HPS3: variants seen among roughly 807,000 people sequenced by gnomAD.
The protein encoded by HPS3 is BLOC-2 complex member HPS3.
HPS3 carries 79 observed loss-of-function variants against 110.9 expected under a neutral mutation model. The observed-to-expected ratio is 0.71, with a 90% CI of 0.59 to 0.86. The LOEUF (loss-of-function observed/expected upper bound fraction) is 0.86. Ranked by LOEUF, HPS3 falls within the 40% of genes least tolerant of loss-of-function variation. HPS3 has a pLI of 0.00. For missense variants in HPS3, 1,197 were observed against 1,206.2 expected, an observed-to-expected ratio of 0.99 and a Z score of 0.11; for synonymous variants, 428 against 451.0, an observed-to-expected ratio of 0.95 and a Z score of 0.65.
chr3:149,167,265 T>C (rs1326947422), intron 15 of HPS3, 25 bp downstream of exon 15: 22 of 1,569,886 alleles, frequency 1.4e-5, no homozygotes, highest in Non-Finnish European at 1.8e-5. Flanking sequence ...ATTATGTTTT[T>C]AGGCTTGATC....
At chr3:149,142,199 C>T (rs1309671773) in intron 4 of HPS3, among the ~76,000 whole-genome samples, 1 of 152,148 alleles carries the variant, frequency 6.6e-6, no homozygotes, top group Non-Finnish European at 1.5e-5. Flanking sequence ...GTCATACCTG[C>T]TAGGAGAAGC....
At chr3:149,153,708 T>C in intron 7 of HPS3, 60 bp downstream of exon 7, 1 of 1,514,032 alleles carries the variant, frequency 6.6e-7, no homozygotes, top group Non-Finnish European at 9.2e-7. Flanking sequence ...GTAACTGGTA[T>C]ATTTTGTGTT....
chr3:149,158,814 C>G lies in HPS3; in HGVS notation c.1840C>G (p.Leu614Val). 1 of 1,601,908 alleles carries G rather than the reference C, an allele frequency of 6.2e-7. No individual in the cohort carries two copies. The highest frequency in any genetic ancestry group is 8.6e-7 in the Non-Finnish European group (1 of 1,169,056). ...ATTAATCTTTTACATTAATCATTCACTTTATGAAAACCTGGATGAAGAATT... is the reference window on the plus strand; with the variant it reads ...ATTAATCTTTTACATTAATCATTCAGTTTATGAAAACCTGGATGAAGAATT... ...RGLIFYINHSLYENLDEELNE... is the reference protein window; with the variant it reads ...RGLIFYINHSVYENLDEELNE... Residue 614 changes from leucine to valine, a missense_variant, in exon 10 of 17, where the codon CTT becomes GTT. Leu to Val is a conservative substitution (Grantham distance 32). Coordinates refer to ENST00000296051, the MANE Select transcript of HPS3 (RefSeq NM_032383.5).
At chr3:149,157,996 T>C (rs1038774317) in intron 9 of HPS3, among the ~76,000 whole-genome samples, 21 of 152,230 alleles carry the variant, frequency 1.4e-4, no homozygotes, top group African/African-American at 5.1e-4. Flanking sequence ...TACATGATTA[T>C]AAATACTACC....
chr3:149,158,635 A>C (rs1171670974), intron 9 of HPS3, 31 bp from the exon 10 acceptor site: 1 of 1,603,344 alleles, frequency 6.2e-7, no homozygotes, highest in Non-Finnish European at 8.5e-7. Context: ...AAAAGTGACA[A>C]ATTTGAGGTT....
intron 5 of HPS3, among the ~76,000 whole-genome samples, chr3:149,146,162 G>A (rs945745724): frequency 6.6e-6 from 1 of 152,154 alleles, no homozygotes; most frequent in African/African-American, 2.4e-5. Flanking sequence ...GATGGTTTTG[G>A]TTCTATTTCC....
chr3:149,150,542 G>A, intron 5 of HPS3, 57 bp from the exon 6 acceptor site: 4 of 1,386,314 alleles, frequency 2.9e-6, no homozygotes, highest in Non-Finnish European at 4.1e-6. Flanking sequence ...CCTCCCTGCT[G>A]TGGGTATGTT....
At chr3:149,152,485 G>A (rs375711288) in intron 6 of HPS3, among the ~76,000 whole-genome samples, 8 of 152,202 alleles carry the variant, frequency 5.3e-5, no homozygotes, top group African/African-American at 1.9e-4. Context: ...GTGGAGGTAG[G>A]AGGGGGAAGG....
At chr3:149,159,425 T>G (rs945225452) in intron 10 of HPS3, among the ~76,000 whole-genome samples, 1 of 152,102 alleles carries the variant, frequency 6.6e-6, no homozygotes, top group Non-Finnish European at 1.5e-5. Context: ...TAGCTAGGCT[T>G]GGTGGCATAC....
intron 11 of HPS3, among the ~76,000 whole-genome samples, chr3:149,161,712 G>T (rs1723875191): frequency 1.3e-5 from 2 of 151,946 alleles, no homozygotes; most frequent in Non-Finnish European, 2.9e-5. Context: ...GTTTTACCAT[G>T]TTGGCCAGGC....
chr3:149,139,933 A>T (rs1041475931), intron 1 of HPS3, 71 bp from the exon 2 acceptor site: 2 of 1,355,412 alleles, frequency 1.5e-6, no homozygotes, highest in Non-Finnish European at 2.1e-6. Flanking sequence ...CATTAATAGT[A>T]CTCATGTCAG....
chr3:149,151,587 T>TAAAAAAAAAAAAAA (rs1167453087), intron 6 of HPS3, among the ~76,000 whole-genome samples: 3 of 40,340 alleles, frequency 7.4e-5, no homozygotes, highest in Non-Finnish European at 1.5e-4. Flanking sequence ...GCTTGGTTTC[T>TAAAAAAAAAAAAAA]AAAAAAAAAA....
intron 1 of HPS3, among the ~76,000 whole-genome samples, chr3:149,136,913 AATTT>A (rs1446432654): frequency 3.3e-5 from 5 of 152,322 alleles, no homozygotes; most frequent in East Asian, 1.9e-4. Flanking sequence ...TTAGTTTTAA[AATTT>A]ATTTACTAAA....
At position 149,129,914 on chromosome 3, in the gene HPS3, T is replaced by C; in HGVS notation, c.191T>C (p.Val64Ala). 6.4e-7 allele frequency: 1 copy of C among 1,563,200 alleles called. No individual in the cohort carries two copies. Among genetic ancestry groups the C allele is most frequent in the Non-Finnish European group, 8.6e-7 (1 of 1,161,360 alleles). The change falls in exon 1 of 17, where the codon GTG (valine) becomes GCG (alanine). Residue 64 changes from valine to alanine, a missense_variant. Coordinates refer to ENST00000296051, the MANE Select transcript of HPS3 (RefSeq NM_032383.5). The stretch of plus-strand genomic sequence containing the variant: ...TGCGCCTTCTCCACGCTGGGCCGGG[T>C]GTTGCGCCTGGCCTACAGCGAGGCT... ...PRCAFSTLGRVLRLAYSEAGD... is the reference protein window; with the variant it reads ...PRCAFSTLGRALRLAYSEAGD...
chr3:149,138,989 C>T (rs978611302), intron 1 of HPS3, among the ~76,000 whole-genome samples: 5 of 152,258 alleles, frequency 3.3e-5, no homozygotes, highest in Non-Finnish European at 7.4e-5. Context: ...TGCCCATGCC[C>T]TTTGGCCCAA....
At chr3:149,145,324 G>A (rs765665929) in intron 4 of HPS3, 30 bp from the exon 5 acceptor site, 3 of 1,504,546 alleles carry the variant, frequency 2.0e-6, no homozygotes, top group Admixed American at 1.7e-5. Flanking sequence ...TGGTTTCATG[G>A]TGTTTTATTT....
intron 12 of HPS3, 95 bp from the exon 13 acceptor site, chr3:149,162,595 C>A (rs139918830): frequency 1.5e-6 from 2 of 1,296,414 alleles, no homozygotes; most frequent in South Asian, 1.2e-5. Context: ...TTATTGATTG[C>A]GTGGCCCATG....
At chr3:149,150,500 C>A in intron 5 of HPS3, 99 bp from the exon 6 acceptor site, 1 of 828,206 alleles carries the variant, frequency 1.2e-6, no homozygotes, top group Non-Finnish European at 2.1e-6. Flanking sequence ...TTGACTGTCA[C>A]CCCTGCCCAT....
chr3:149,164,489 A>G (rs1456219396), intron 14 of HPS3, among the ~76,000 whole-genome samples: 2 of 152,180 alleles, frequency 1.3e-5, no homozygotes, highest in Admixed American at 6.5e-5. Flanking sequence ...TGGCAGTGAG[A>G]ATTAAAGTCC....
Sources: gnomAD v4.1 joint callset for allele counts (sites outside exome capture counted in the v4.1 genomes callset) on GRCh38, gnomAD v4.1.1 for gene constraint, MANE v1.5 for transcripts, NCBI Gene and HGNC (gene_info 2026-07-23, HGNC 2026-07-21) for gene names.